Variants in DOCK8 observed in about 807,000 individuals in gnomAD.
The protein encoded by DOCK8 is dedicator of cytokinesis 8.
Under a neutral mutation model 245.6 loss-of-function variants are expected in DOCK8, and 141 were observed. The observed-to-expected ratio is 0.57, with a 90% confidence interval of 0.50 to 0.66. The LOEUF (loss-of-function observed/expected upper bound fraction) is 0.66, where lower values mean the gene tolerates loss of function less well. Ranked by LOEUF, DOCK8 falls within the 30% of genes least tolerant of loss-of-function variation. The pLI, the probability that DOCK8 is intolerant of heterozygous loss-of-function variation, is 0.00. For synonymous variants in DOCK8, 1,168 were observed against 970.2 expected (o/e 1.20, Z -3.79); for missense variants, 2,965 against 2,603.4 (o/e 1.14, Z -3.02).
At chr9:361,177 A>T (rs904726483) in intron 14 of DOCK8, among the ~76,000 whole-genome samples, 7 of 152,124 alleles carry the variant, frequency 4.6e-5, no homozygotes, top group Non-Finnish European at 8.8e-5. Context: ...CCAAAAAAAG[A>T]GGCTGTGACA....
intron 21 of DOCK8, 48 bp downstream of exon 21, chr9:379,983 C>T (rs752166694): frequency 1.3e-6 from 2 of 1,586,174 alleles, no homozygotes; most frequent in Non-Finnish European, 1.7e-6. Flanking sequence ...GCAACACCAC[C>T]TCCACCCCAC....
Position 441,317 on chromosome 9 carries a change from A to G in DOCK8, c.5255A>G (p.Tyr1752Cys), listed in dbSNP as rs1214707825. 3 of 1,614,198 alleles carry G rather than the reference A, an allele frequency of 1.9e-6. No homozygotes were observed. The highest frequency in any genetic ancestry group is 1.7e-6 in the Non-Finnish European group (2 of 1,180,032). ...TTATATGAGACAGTTAATGAGGTCTACAAGCTGGTCATCCCCATCCTAGAA... is the reference window on the plus strand; with the variant it reads ...TTATATGAGACAGTTAATGAGGTCTGCAAGCTGGTCATCCCCATCCTAGAA... ...GGLYETVNEVYKLVIPILEAH... is the reference protein window; with the variant it reads ...GGLYETVNEVCKLVIPILEAH... The change falls in exon 41 of 48, where the codon TAC (tyrosine) becomes TGC (cysteine). Residue 1752 changes from tyrosine (Y) to cysteine (C), a missense_variant. Tyr to Cys is a radical substitution (Grantham distance 194, BLOSUM62 -2). Coordinates refer to ENST00000432829, the MANE Select transcript of DOCK8 (RefSeq NM_203447.4).
chr9:223,161 A>G (rs1280333026), intron 1 of DOCK8, among the ~76,000 whole-genome samples: 1 of 152,228 alleles, frequency 6.6e-6, no homozygotes, highest in Non-Finnish European at 1.5e-5. Flanking sequence ...AAAGGGCAAA[A>G]TTCATTGTTC....
intron 14 of DOCK8, among the ~76,000 whole-genome samples, chr9:357,228 TTAATG>T (rs1751948604): frequency 6.6e-6 from 1 of 152,216 alleles, no homozygotes; most frequent in African/African-American, 2.4e-5. Flanking sequence ...GGGATGGAGA[TTAATG>T]TAATAGAAAA....
At chr9:350,973 C>G (rs1377612129) in intron 14 of DOCK8, among the ~76,000 whole-genome samples, 1 of 152,144 alleles carries the variant, frequency 6.6e-6, no homozygotes, top group Non-Finnish European at 1.5e-5. Flanking sequence ...GGAGCTCACT[C>G]AGGAAATGCT....
upstream of DOCK8, chr9:214,563 C>A (rs758398205): frequency 6.2e-7 from 1 of 1,613,944 alleles, no homozygotes; most frequent in East Asian, 2.2e-5. Context: ...GCTCCCCCGA[C>A]TTGCCTACAT....
chr9:327,929 A>T, intron 8 of DOCK8, 93 bp from the exon 9 acceptor site: 1 of 1,265,298 alleles, frequency 7.9e-7, no homozygotes, highest in South Asian at 1.2e-5. Flanking sequence ...CCTTCAGCAA[A>T]ATTTCTCTGT....
chr9:322,671 G>A (rs1408620166), intron 7 of DOCK8, among the ~76,000 whole-genome samples: 1 of 152,210 alleles, frequency 6.6e-6, no homozygotes, highest in Non-Finnish European at 1.5e-5. Context: ...CGGAACCACA[G>A]AGGACTTACT....
intron 2 of DOCK8, among the ~76,000 whole-genome samples, chr9:279,458 G>GATTTA (rs2048486186): frequency 6.6e-6 from 1 of 152,196 alleles, no homozygotes; most frequent in Non-Finnish European, 1.5e-5. Context: ...TTGAACTCCA[G>GATTTA]GGCACTGCAT....
chr9:267,301 G>A (rs1160489672), intron 1 of DOCK8, among the ~76,000 whole-genome samples: 1 of 152,154 alleles, frequency 6.6e-6, no homozygotes, highest in Non-Finnish European at 1.5e-5. Flanking sequence ...AACCTCCCAG[G>A]CTCAAGCAAT....
chr9:287,121 T>C (rs138152215), intron 3 of DOCK8, among the ~76,000 whole-genome samples: 64 of 152,330 alleles, frequency 4.2e-4, no homozygotes, highest in Non-Finnish European at 8.7e-4. Flanking sequence ...GAGCATCTAC[T>C]ATGTTCTGGG....
At chr9:225,300 CA>C (rs2046967728) in intron 1 of DOCK8, among the ~76,000 whole-genome samples, 1 of 152,146 alleles carries the variant, frequency 6.6e-6, no homozygotes, top group Non-Finnish European at 1.5e-5. Context: ...AGAAGGGCAA[CA>C]CCTCTGAGGA....
At chr9:437,324 G>A (rs1449025941) in intron 39 of DOCK8, among the ~76,000 whole-genome samples, 2 of 152,180 alleles carry the variant, frequency 1.3e-5, no homozygotes, top group African/African-American at 4.8e-5. Context: ...CCACACCACA[G>A]TTTAGGTTTA....
At chr9:400,261 ACCT>A (rs1287824056) in intron 26 of DOCK8, among the ~76,000 whole-genome samples, 7 of 75,924 alleles carry the variant, frequency 9.2e-5, no homozygotes, top group African/African-American at 1.4e-4. Context: ...CATCACCACC[ACCT>A]CCACCATCAC....
chr9:417,447 CA>C (rs1488033992), intron 29 of DOCK8, among the ~76,000 whole-genome samples: 1 of 152,164 alleles, frequency 6.6e-6, no homozygotes, highest in South Asian at 2.1e-4. Context: ...ATGAGTGAAT[CA>C]ATCAGTTGTG....
chr9:419,676 T>C (rs987971753), intron 30 of DOCK8, among the ~76,000 whole-genome samples: 2 of 152,224 alleles, frequency 1.3e-5, no homozygotes, highest in Admixed American at 6.5e-5. Flanking sequence ...TTAGCTACGC[T>C]GCATGAACCA....
At chr9:285,429 A>G (rs2048779678) in intron 2 of DOCK8, among the ~76,000 whole-genome samples, 1 of 152,282 alleles carries the variant, frequency 6.6e-6, no homozygotes, top group Non-Finnish European at 1.5e-5. Context: ...TTGTTGGTCC[A>G]CTGGAGGGTA....
intron 4 of DOCK8, among the ~76,000 whole-genome samples, chr9:294,738 G>T (rs915067718): frequency 6.6e-6 from 1 of 152,206 alleles, no homozygotes; most frequent in African/African-American, 2.4e-5. Context: ...ATTGTACTCA[G>T]TTGGGTAGTA....
chr9:384,201 A>T, intron 22 of DOCK8, among the ~76,000 whole-genome samples: 1 of 152,356 alleles, frequency 6.6e-6, no homozygotes, highest in South Asian at 2.1e-4. Context: ...TTTAAAGATT[A>T]TGATATTATT....
Sources: allele counts gnomAD v4.1 joint callset (sites outside exome capture counted in the v4.1 genomes callset), GRCh38; gene constraint gnomAD v4.1.1; transcripts MANE v1.5; gene names NCBI Gene and HGNC (gene_info 2026-07-23, HGNC 2026-07-21).